Variants in GC observed in about 807,000 individuals in gnomAD.
GC encodes GC vitamin D binding protein, also known as vitamin D-binding protein.
GC carries 43 observed loss-of-function variants against 56.7 expected under a neutral mutation model. The observed-to-expected ratio is 0.76, with a 90% confidence interval of 0.59 to 0.98. The LOEUF (loss-of-function observed/expected upper bound fraction) is 0.98, where lower values mean the gene tolerates loss of function less well. GC is among the 50% of genes least tolerant of loss of function. The probability of loss-of-function intolerance (pLI) is 0.00; values close to 1 mark genes in which losing one functional copy is unlikely to be tolerated. For synonymous variants in GC, 216 were observed against 202.7 expected (o/e 1.07, Z -0.56); for missense variants, 529 against 545.9 (o/e 0.97, Z 0.31).
chr4:71,765,859 A>G (rs1261307231), intron 3 of GC, among the ~76,000 whole-genome samples: 1 of 152,212 alleles, frequency 6.6e-6, no homozygotes, highest in African/African-American at 2.4e-5. Context: ...GACTCCTCAG[A>G]GTAGAACAAA....
chr4:71,763,618 C>T, intron 5 of GC, 116 bp from the exon 6 acceptor site: 1 of 761,538 alleles, frequency 1.3e-6, no homozygotes, highest in Non-Finnish European at 2.2e-6. Context: ...AAACTGAACA[C>T]TGGTGAAAGG....
chr4:71,768,456 T>A (rs1191871169), intron 2 of GC, 23 bp from the exon 3 acceptor site: 1 of 1,591,148 alleles, frequency 6.3e-7, no homozygotes, highest in Non-Finnish European at 8.6e-7. Context: ...TAAGACAATA[T>A]ATCAATTAGA....
chr4:71,766,082 T>A (rs1238898081), intron 3 of GC, among the ~76,000 whole-genome samples: 1 of 152,206 alleles, frequency 6.6e-6, no homozygotes. Context: ...CCTCTGTTTA[T>A]TAAATGAGCT....
At chr4:71,746,969 C>T (rs867186377) in intron 11 of GC, among the ~76,000 whole-genome samples, 1 of 151,574 alleles carries the variant, frequency 6.6e-6, no homozygotes, top group African/African-American at 2.4e-5. Context: ...TGAAAGATTG[C>T]CTGAAACTAA....
chr4:71,786,607 C>T (rs1742845854), upstream of GC, among the ~76,000 whole-genome samples: 1 of 151,776 alleles, frequency 6.6e-6, no homozygotes, highest in South Asian at 2.1e-4. Flanking sequence ...TTGCCATTGG[C>T]TTCAGAGGAA....
intron 4 of GC, among the ~76,000 whole-genome samples, chr4:71,764,848 G>A (rs913872900): frequency 6.6e-6 from 1 of 152,034 alleles, no homozygotes; most frequent in African/African-American, 2.4e-5. Flanking sequence ...TTTTCCCCCA[G>A]TTTTGTTCAT....
chr4:71,768,544 C>T (rs1163546594), intron 2 of GC, 111 bp from the exon 3 acceptor site: 7 of 802,506 alleles, frequency 8.7e-6, no homozygotes, highest in Non-Finnish European at 1.3e-5. Flanking sequence ...TCTCAGCTCA[C>T]TGCACTCTCT....
intron 1 of GC, among the ~76,000 whole-genome samples, chr4:71,783,397 T>A (rs1177041681): frequency 6.6e-6 from 1 of 151,756 alleles, no homozygotes; most frequent in African/African-American, 2.4e-5. Flanking sequence ...ATGAAAAATA[T>A]AACTGAATTA....
At chr4:71,802,101 A>C (rs1314002889) in intron 1 of GC, among the ~76,000 whole-genome samples, 1 of 152,140 alleles carries the variant, frequency 6.6e-6, no homozygotes, top group African/African-American at 2.4e-5. Flanking sequence ...TGGACAGTAG[A>C]TTTTATTCAT....
At chr4:71,796,089 A>C (rs192255572) in intron 1 of GC, among the ~76,000 whole-genome samples, 266 of 152,206 alleles carry the variant, frequency 1.7e-3, no homozygotes, top group African/African-American at 6.1e-3. Flanking sequence ...TGCCCTTAAC[A>C]CTTTTTCCTT....
At chr4:71,749,479 T>C (rs572087845) in intron 11 of GC, among the ~76,000 whole-genome samples, 21 of 152,282 alleles carry the variant, frequency 1.4e-4, no homozygotes, top group African/African-American at 5.1e-4. Flanking sequence ...GTTTCAAAAG[T>C]GATATTTCTT....
At chr4:71,768,579 C>T in intron 2 of GC, 146 bp from the exon 3 acceptor site, 1 of 574,476 alleles carries the variant, frequency 1.7e-6, no homozygotes, top group Non-Finnish European at 2.9e-6. Flanking sequence ...AGCAATTCTG[C>T]CTCAGCCTCC....
In GC at chr4:71,802,072, C is replaced by T. The variant is rs113971307; in HGVS notation, c.21+1854G>A. On this transcript the variant is annotated intron_variant, in intron 1 of 13. Coordinates refer to the GC transcript ENST00000504199. ...GACTTTACTATAGCCTTTAAAACCC[C>T]ATTATTTCTTGCTTTGTTTGGACAG... Among the ~76,000 whole-genome samples, 26 of 152,208 alleles carry T rather than the reference C, an allele frequency of 1.7e-4. 2 individuals are homozygous for T. Among genetic ancestry groups the T allele is most frequent in the African/African-American group, 6.3e-4 (26 of 41,552 alleles).
At chr4:71,797,971 A>C (rs971830204) in intron 1 of GC, among the ~76,000 whole-genome samples, 1 of 152,166 alleles carries the variant, frequency 6.6e-6, no homozygotes, top group African/African-American at 2.4e-5. Flanking sequence ...AGTTACACAT[A>C]TTCCCAATGT....
upstream of GC, among the ~76,000 whole-genome samples, chr4:71,786,440 T>G (rs973357482): frequency 1.3e-5 from 2 of 151,812 alleles, no homozygotes; most frequent in Non-Finnish European, 2.9e-5. Flanking sequence ...TTGTCTATAA[T>G]AGCAGCAGTT....
At chr4:71,751,809 A>G (rs763357968) in intron 11 of GC, among the ~76,000 whole-genome samples, 10 of 151,992 alleles carry the variant, frequency 6.6e-5, no homozygotes, top group Non-Finnish European at 7.4e-5. Flanking sequence ...GTTTGGAGAC[A>G]ATTGATAGTG....
At chr4:71,795,656 A>T (rs982732151) in intron 1 of GC, among the ~76,000 whole-genome samples, 2 of 152,168 alleles carry the variant, frequency 1.3e-5, no homozygotes. Flanking sequence ...GCCCATTTAC[A>T]TTTAAGGTTA....
At position 71,768,650 on chromosome 4, in the gene GC, G is replaced by C. The variant is rs1050003404; in HGVS notation, c.129-217C>G. Among the ~76,000 whole-genome samples, 3 of 152,108 alleles carry C rather than the reference G, an allele frequency of 2.0e-5. 1 individual carries two copies. Among genetic ancestry groups the C allele is most frequent in the African/African-American group, 7.2e-5 (3 of 41,442 alleles). On this transcript the variant is annotated intron_variant, in intron 2 of 12. Coordinates refer to ENST00000273951, the MANE Select transcript of GC (RefSeq NM_000583.4). ...CCGGCTAATTTTTGTATTTTTAGTA[G>C]AGACAGGGTTTCACCATGTTGGCCA...
intron 11 of GC, among the ~76,000 whole-genome samples, chr4:71,748,644 G>T (rs1424953645): frequency 6.6e-6 from 1 of 152,078 alleles, no homozygotes. Context: ...AGGCAAATGG[G>T]TCTTTTTTGG....
Sources: gnomAD v4.1 joint callset for allele counts (sites outside exome capture counted in the v4.1 genomes callset) on GRCh38, gnomAD v4.1.1 for gene constraint, MANE v1.5 for transcripts, NCBI Gene and HGNC (gene_info 2026-07-23, HGNC 2026-07-21) for gene names.